PHF21B: variants seen among roughly 807,000 people sequenced by gnomAD.
PHF21B encodes the protein PHD finger protein 4.
PHF21B carries 22 observed loss-of-function variants against 62.2 expected under a neutral mutation model. That is an observed-to-expected ratio of 0.35 (90% CI 0.25 to 0.51). PHF21B has a LOEUF of 0.51. Ranked by LOEUF, PHF21B falls within the 20% of genes least tolerant of loss-of-function variation. The pLI is 0.97. For synonymous variants in PHF21B, 341 were observed against 314.7 expected (o/e 1.08, Z -0.88); for missense variants, 701 against 707.9 (o/e 0.99, Z 0.11).
chr22:45,008,902 G>T lies in PHF21B; in HGVS notation c.55-292C>A, dbSNP rs892620241. 2.6e-6 allele frequency: 3 copies of T among 1,135,144 alleles called. No homozygotes were observed. In the African/African-American group the frequency reaches 4.9e-5, roughly 19 times the overall value. The allele number at this position is 1,135,144 out of a possible 1,614,324, so 70.3% of individuals were successfully genotyped here. ...TTTGCAGGCCGGGGTGCGTGTGCGA[G>T]TGAGTGTGAGTGTGAGTGTGTGCCG... On this transcript the variant is annotated intron_variant, in intron 1 of 12. Transcript: ENST00000313237.
intron 2 of PHF21B, among the ~76,000 whole-genome samples, chr22:44,996,826 AGAG>A (rs2073130675): frequency 6.6e-6 from 1 of 152,112 alleles, no homozygotes; most frequent in Admixed American, 6.5e-5. Context: ...AAGCATACAC[AGAG>A]GTGGGCACAC....
At chr22:44,987,587 T>A (rs1379597522) in intron 2 of PHF21B, among the ~76,000 whole-genome samples, 2 of 151,922 alleles carry the variant, frequency 1.3e-5, no homozygotes, top group African/African-American at 4.8e-5. Context: ...GTGCACAGGG[T>A]TAGAGCTCAG....
chr22:44,933,403 G>A (rs71330773), intron 2 of PHF21B: 427 of 948,640 alleles, frequency 4.5e-4, no homozygotes, highest in Non-Finnish European at 5.2e-4. Flanking sequence ...GAGCCACTGC[G>A]CTCGGCCTCT....
At chr22:44,933,485 C>A (rs2071782239) in intron 2 of PHF21B, 1 of 985,456 alleles carries the variant, frequency 1.0e-6, no homozygotes, top group Non-Finnish European at 1.2e-6. Context: ...CGTGCTGGGT[C>A]CCTTGTGCAC....
At chr22:44,982,018 C>A (rs1569271532) in intron 2 of PHF21B, among the ~76,000 whole-genome samples, 1 of 152,256 alleles carries the variant, frequency 6.6e-6, no homozygotes, top group African/African-American at 2.4e-5. Flanking sequence ...GTTGCCTTGG[C>A]AAATGCGGTT....
intron 2 of PHF21B, among the ~76,000 whole-genome samples, chr22:44,975,772 G>T (rs1443833024): frequency 6.6e-6 from 1 of 152,246 alleles, no homozygotes; most frequent in Non-Finnish European, 1.5e-5. Flanking sequence ...GGGCCAGCGG[G>T]TCCTCCCACC....
At chr22:44,926,990 A>G (rs888867142) in intron 2 of PHF21B, among the ~76,000 whole-genome samples, 1 of 151,810 alleles carries the variant, frequency 6.6e-6, no homozygotes, top group Admixed American at 6.6e-5. Flanking sequence ...TCTGGGCCTC[A>G]TATCTGGTCA....
intron 5 of PHF21B, among the ~76,000 whole-genome samples, chr22:44,911,444 T>C (rs2071342245): frequency 6.6e-6 from 1 of 152,136 alleles, no homozygotes. Context: ...TTTCTTAGGC[T>C]GGGCCCAGGG....
chr22:44,962,776 C>T (rs535485718), intron 2 of PHF21B, among the ~76,000 whole-genome samples: 7 of 151,966 alleles, frequency 4.6e-5, no homozygotes, highest in African/African-American at 7.3e-5. Context: ...AGGTGCCTCA[C>T]GGAACGGTGG....
chr22:44,916,549 G>A lies in PHF21B; in HGVS notation c.295C>T (p.Gln99Ter). 6.2e-7 allele frequency: 1 copy of A among 1,609,136 alleles called. No individual in the cohort carries two copies. The highest frequency in any genetic ancestry group is 8.5e-7 in the Non-Finnish European group (1 of 1,179,934). The stretch of plus-strand genomic sequence containing the variant: ...TTGACGCTGACCACGGTGGCCTTCT[G>A]GAATGTTGGGGGCTGCTTGGGTGGC... ...DRPPKQPPTF[Q>*]KATVVSVKNP... Residue 99 changes from glutamine (Q) to a stop codon, truncating the protein, a stop_gained, in exon 4 of 13, where the codon CAG becomes TAG. Transcript: ENST00000313237. LOFTEE classifies it high-confidence loss of function.
At chr22:44,957,846 G>T (rs559802862) in intron 2 of PHF21B, among the ~76,000 whole-genome samples, 77 of 151,628 alleles carry the variant, frequency 5.1e-4, no homozygotes, top group Non-Finnish European at 7.2e-4. Flanking sequence ...TTCTAAACCC[G>T]TTCAGGCCTT....
At chr22:44,923,162 G>C (rs1043522897) in intron 2 of PHF21B, among the ~76,000 whole-genome samples, 3 of 152,152 alleles carry the variant, frequency 2.0e-5, no homozygotes, top group African/African-American at 7.2e-5. Context: ...GAACAGAACA[G>C]AGAGTCCAAA....
At chr22:45,007,583 G>A (rs2073343679) in intron 2 of PHF21B, among the ~76,000 whole-genome samples, 1 of 76,586 alleles carries the variant, frequency 1.3e-5, no homozygotes, top group Non-Finnish European at 3.0e-5. Flanking sequence ...GGAGGGGGCA[G>A]CGGAGGGAGG....
chr22:44,903,067 G>C (rs2071189114), intron 5 of PHF21B, among the ~76,000 whole-genome samples: 1 of 152,092 alleles, frequency 6.6e-6, no homozygotes, highest in South Asian at 2.1e-4. Context: ...CCTGTTCCTG[G>C]ATGCCTTACA....
chr22:44,989,330 A>T (rs953091244), intron 2 of PHF21B: 1 of 152,180 alleles, frequency 6.6e-6, no homozygotes, highest in Non-Finnish European at 1.5e-5. Flanking sequence ...GGCCTCCTCC[A>T]AAGAAAACGC....
rs543800296 is a variant in PHF21B, at chr22:44,957,463, T to A, written c.121-36973A>T. ...CTCTGGGGCTTGCCACTGTCCGTCC[T>A]CATGCTGCCTCCAGAGGGAGTTCTC... On this transcript the variant is annotated intron_variant, in intron 2 of 12. Coordinates refer to ENST00000313237, the MANE Select transcript of PHF21B (RefSeq NM_138415.5). Among the ~76,000 whole-genome samples the A allele has an allele frequency of 2.0e-5, 3 of 152,332 alleles. No individual in the cohort carries two copies. The South Asian group carries it at 6.2e-4, about 32-fold the overall frequency.
intron 2 of PHF21B, among the ~76,000 whole-genome samples, chr22:44,943,540 A>G (rs1569243869): frequency 1.3e-5 from 2 of 151,434 alleles, no homozygotes; most frequent in Non-Finnish European, 2.9e-5. Context: ...CCTCGTGGGG[A>G]CACGGGCAGC....
intron 8 of PHF21B, 71 bp from the exon 9 acceptor site, chr22:44,889,853 A>G (rs961128029): frequency 8.5e-5 from 122 of 1,430,852 alleles, no homozygotes; most frequent in Non-Finnish European, 1.0e-4. Context: ...ACTGGAGTCC[A>G]TGAGGCCTCA....
chr22:44,906,285 G>T (rs6006903), intron 5 of PHF21B, among the ~76,000 whole-genome samples: 1 of 152,298 alleles, frequency 6.6e-6, no homozygotes, highest in African/African-American at 2.4e-5. Context: ...TTCAAGAGGG[G>T]GAGTGACTTA....
Sources: gnomAD v4.1 joint callset for allele counts (sites outside exome capture counted in the v4.1 genomes callset) on GRCh38, gnomAD v4.1.1 for gene constraint, MANE v1.5 for transcripts, NCBI Gene and HGNC (gene_info 2026-07-23, HGNC 2026-07-21) for gene names.